ABI2: variants seen among roughly 807,000 people sequenced by gnomAD.
ABI2 encodes the protein abl interactor 2, also known as abelson interactor 2.
Under a neutral mutation model 59.2 loss-of-function variants are expected in ABI2, and 25 were observed. That is an observed-to-expected ratio of 0.42 (90% CI 0.31 to 0.59). The LOEUF (loss-of-function observed/expected upper bound fraction) is 0.59, where lower values mean the gene tolerates loss of function less well. Ranked by LOEUF, ABI2 falls within the 20% of genes least tolerant of loss-of-function variation. The pLI is 0.14. For missense variants in ABI2, 545 were observed against 681.8 expected (o/e 0.80, Z 2.23); for synonymous variants, 213 against 235.5 (o/e 0.90, Z 0.87).
intron 9 of ABI2, among the ~76,000 whole-genome samples, chr2:203,406,524 G>A (rs1487573842): frequency 6.6e-6 from 1 of 152,134 alleles, no homozygotes; most frequent in Non-Finnish European, 1.5e-5. Context: ...ATGTTGGGAT[G>A]GTGCTGTTCC....
intron 1 of ABI2, among the ~76,000 whole-genome samples, chr2:203,348,842 C>A (rs886368280): frequency 1.3e-5 from 2 of 151,838 alleles, no homozygotes; most frequent in African/African-American, 4.8e-5. Context: ...CCCAAAATTT[C>A]TTTTATTTTT....
At chr2:203,333,437 T>C (rs2074926152) in intron 1 of ABI2, among the ~76,000 whole-genome samples, 1 of 152,204 alleles carries the variant, frequency 6.6e-6, no homozygotes, top group African/African-American at 2.4e-5. Context: ...AGGTTGGTTA[T>C]ATTTATAGGT....
chr2:203,345,589 A>G (rs924192977), intron 1 of ABI2, among the ~76,000 whole-genome samples: 10 of 152,044 alleles, frequency 6.6e-5, no homozygotes, highest in Admixed American at 6.5e-4. Flanking sequence ...TGGTATTTTT[A>G]GTAGAGATGG....
chr2:203,359,683 C>G (rs1335746173), intron 1 of ABI2, among the ~76,000 whole-genome samples: 1 of 152,084 alleles, frequency 6.6e-6, no homozygotes, highest in African/African-American at 2.4e-5. Flanking sequence ...ATAAATGGTG[C>G]CTTCTGTGTG....
intron 1 of ABI2, among the ~76,000 whole-genome samples, chr2:203,344,750 G>A (rs950168033): frequency 6.6e-6 from 1 of 151,978 alleles, no homozygotes. Context: ...GTTTGTAAGC[G>A]CACCAATCAG....
intron 2 of ABI2, among the ~76,000 whole-genome samples, chr2:203,372,639 G>T (rs1180697729): frequency 1.2e-4 from 18 of 151,998 alleles, no homozygotes; most frequent in African/African-American, 4.3e-4. Flanking sequence ...AGACGGGGCA[G>T]CTGGCCGGGC....
intron 4 of ABI2, among the ~76,000 whole-genome samples, chr2:203,387,996 T>G (rs1024836736): frequency 1.3e-5 from 2 of 152,180 alleles, no homozygotes; most frequent in Non-Finnish European, 2.9e-5. Flanking sequence ...AAATATATTT[T>G]TATATTTACC....
intron 9 of ABI2, among the ~76,000 whole-genome samples, chr2:203,403,742 G>GTTTTTTTTTTTT (rs56123341): frequency 1.0e-5 from 1 of 95,300 alleles, no homozygotes. Context: ...CTTTCTTTCT[G>GTTTTTTTTTTTT]TTTTTTTTTT....
chr2:203,382,145 CT>C, intron 3 of ABI2, 43 bp from the exon 4 acceptor site: 5 of 1,499,762 alleles, frequency 3.3e-6, no homozygotes, highest in African/African-American at 1.4e-5. Flanking sequence ...CCTTTCAATG[CT>C]TTTTTTCCTT....
chr2:203,395,229 A>G (rs1432375610), intron 6 of ABI2: 11 of 574,716 alleles, frequency 1.9e-5, no homozygotes, highest in Non-Finnish European at 2.7e-5. Flanking sequence ...AATTACTCAA[A>G]TCTGTTTAGG....
At chr2:203,359,367 CTTAAT>C (rs759215308) in intron 1 of ABI2, among the ~76,000 whole-genome samples, 13 of 152,024 alleles carry the variant, frequency 8.6e-5, no homozygotes, top group Admixed American at 1.3e-4. Context: ...TGAGTGATGT[CTTAAT>C]TTAGAGTATT....
intron 1 of ABI2, among the ~76,000 whole-genome samples, chr2:203,347,145 C>T (rs2084160096): frequency 6.6e-6 from 1 of 152,116 alleles, no homozygotes; most frequent in African/African-American, 2.4e-5. Flanking sequence ...GGAGCCATTG[C>T]ATGTCCTAAC....
intron 1 of ABI2, chr2:203,355,227 C>T: frequency 2.5e-6 from 1 of 395,030 alleles, no homozygotes; most frequent in South Asian, 1.9e-5. Context: ...AAAAAGAAGA[C>T]TGGGTACGGT....
intron 8 of ABI2, among the ~76,000 whole-genome samples, chr2:203,397,773 C>G (rs554251128): frequency 6.6e-6 from 1 of 152,162 alleles, no homozygotes; most frequent in African/African-American, 2.4e-5. Flanking sequence ...AGGAAACTTA[C>G]ACTCATGGCC....
At chr2:203,392,317 A>AC (rs1559313290) in intron 5 of ABI2, among the ~76,000 whole-genome samples, 8,555 of 107,674 alleles carry the variant, frequency 0.079, 341 homozygotes, top group East Asian at 0.13. Context: ...ACCACCACCA[A>AC]CAACAACAAC....
At chr2:203,342,806 A>G (rs1390294706) in intron 1 of ABI2, among the ~76,000 whole-genome samples, 1 of 152,082 alleles carries the variant, frequency 6.6e-6, no homozygotes, top group Non-Finnish European at 1.5e-5. Flanking sequence ...GTTGACAAAA[A>G]TATTTAAATT....
intron 11 of ABI2, among the ~76,000 whole-genome samples, chr2:203,422,672 A>G (rs2098268489): frequency 6.6e-6 from 1 of 152,212 alleles, no homozygotes; most frequent in Non-Finnish European, 1.5e-5. Flanking sequence ...AAGAACTGAG[A>G]AGAGGCTCAA....
chr2:203,366,703 T>G (rs2094482865), intron 1 of ABI2, among the ~76,000 whole-genome samples, 174 bp from the exon 2 acceptor site: 1 of 152,258 alleles, frequency 6.6e-6, no homozygotes, highest in South Asian at 2.1e-4. Context: ...GTGAGTTCAG[T>G]CAATAGTTTG....
At position 203,429,383 on chromosome 2, in the gene ABI2, G is replaced by A. The variant is rs1208662319; in HGVS notation, c.*2031G>A. The A allele has an allele frequency of 1.3e-5, 2 of 152,190 alleles. No individual in the cohort carries two copies. The highest frequency in any genetic ancestry group is 4.8e-5 in the African/African-American group (2 of 41,444). 9.4% of individuals were successfully genotyped at this position (152,190 alleles called of 1,614,324 possible). On this transcript the variant is annotated 3_prime_UTR_variant, in exon 12 of 12. Transcript: ENST00000261018. ...TTAGAAAAACTGTTTTAAATTAGAT[G>A]TTCCCATTATTTATTTAAACAGCTT...
Sources: gnomAD v4.1 joint callset for allele counts (sites outside exome capture counted in the v4.1 genomes callset) on GRCh38, gnomAD v4.1.1 for gene constraint, MANE v1.5 for transcripts, NCBI Gene and HGNC (gene_info 2026-07-23, HGNC 2026-07-21) for gene names.